The following NUP214 variants were observed in gnomAD, a reference collection of about 807,000 sequenced individuals.
The protein encoded by NUP214 is nuclear pore complex protein Nup214.
Under a neutral mutation model 196.2 loss-of-function variants are expected in NUP214, and 79 were observed. The ratio of observed to expected loss-of-function variants is 0.40; its 90% confidence interval spans 0.34 to 0.49. The LOEUF (loss-of-function observed/expected upper bound fraction) is 0.49. Ranked by LOEUF, NUP214 falls within the 20% of genes least tolerant of loss-of-function variation. The pLI is 0.58. For missense variants in NUP214, 2,468 were observed against 2,539.0 expected (o/e 0.97, Z 0.60); for synonymous variants, 1,020 against 990.5 (o/e 1.03, Z -0.56).
intron 31 of NUP214, among the ~76,000 whole-genome samples, chr9:131,221,814 G>A (rs549925990): frequency 2.0e-5 from 3 of 152,214 alleles, no homozygotes; most frequent in Admixed American, 6.5e-5. Context: ...GGTAGGAAAC[G>A]TGAGTTATTC....
In NUP214 at chr9:131,211,862, A is replaced by G. The variant is rs375414654; in HGVS notation, c.5593-3350A>G. Reference sequence around the variant, plus strand: ...CAAATTGTGGAGCATGTGTGTTTGAACAATATGAAATCTGGGCATCCAAAA... The same window carrying G: ...CAAATTGTGGAGCATGTGTGTTTGAGCAATATGAAATCTGGGCATCCAAAA... On this transcript the variant is annotated intron_variant, in intron 30 of 35. Transcript: ENST00000359428. 1.7e-4 allele frequency among the ~76,000 whole-genome samples: 26 copies of G among 152,334 alleles called. No individual in the cohort carries two copies. In the East Asian group the frequency reaches 3.9e-3, roughly 23 times the overall value.
At chr9:131,161,577 A>G (rs557196018) in intron 18 of NUP214, among the ~76,000 whole-genome samples, 1 of 152,286 alleles carries the variant, frequency 6.6e-6, no homozygotes, top group Admixed American at 6.5e-5. Flanking sequence ...TTTAAAAATT[A>G]TATGTTGAAC....
At chr9:131,166,102 A>G (rs1028047194) in intron 21 of NUP214, among the ~76,000 whole-genome samples, 7 of 152,224 alleles carry the variant, frequency 4.6e-5, no homozygotes, top group African/African-American at 1.7e-4. Context: ...AACACTTAAG[A>G]TGGTAAATTT....
chr9:131,153,475 A>G (rs1272755813), intron 17 of NUP214: 2 of 152,136 alleles, frequency 1.3e-5, no homozygotes, highest in African/African-American at 4.8e-5. Flanking sequence ...CCTCTCAGCA[A>G]GAGAGTGCTG....
rs1200110784 is a variant in NUP214 at position 131,175,643 on chromosome 9, C to G, written c.3319+22C>G. 2.5e-6 allele frequency: 4 copies of G among 1,611,986 alleles called. No individual in the cohort carries two copies. In the African/African-American group the frequency reaches 5.3e-5, roughly 22 times the overall value. On this transcript the variant is annotated intron_variant, in intron 23 of 35. Transcript: ENST00000359428. The stretch of plus-strand genomic sequence containing the variant: ...CCAGGTAAAAGCTGTAGCCCCATAC[C>G]TGTACAGAGGCTGATTATGAGCTGT...
intron 26 of NUP214, chr9:131,191,284 T>C (rs1833593351): frequency 6.6e-6 from 1 of 152,012 alleles, no homozygotes; most frequent in Non-Finnish European, 1.5e-5. Context: ...GCCAACGTGA[T>C]GAAACCCTGT....
chr9:131,208,993 A>G (rs1834161125), intron 30 of NUP214, among the ~76,000 whole-genome samples: 1 of 152,178 alleles, frequency 6.6e-6, no homozygotes, highest in African/African-American at 2.4e-5. Context: ...AGCCTGGGCG[A>G]CAGAGTGAGA....
At chr9:131,182,696 T>C (rs534891056) in intron 24 of NUP214, among the ~76,000 whole-genome samples, 1 of 152,338 alleles carries the variant, frequency 6.6e-6, no homozygotes, top group African/African-American at 2.4e-5. Context: ...TTGGGGTGAT[T>C]AGATCGTTTA....
In NUP214 at chr9:131,144,366, T is replaced by C; in HGVS notation, c.1381T>C (p.Ser461Pro). The change falls in exon 12 of 36, where the codon TCA becomes CCA. Residue 461 changes from serine to proline, a missense_variant. Transcript: ENST00000359428. ...TGCAGCCCCTGCCTCTCTGCCACCT[T>C]CATCACCTGCTGCTCCCATTGCCAC... Reference protein sequence around the residue: ...AAAAPASLPPSSPAAPIATFS... With the variant: ...AAAAPASLPPPSPAAPIATFS... 1.2e-6 allele frequency: 2 copies of C among 1,614,116 alleles called. No homozygotes were observed. The highest frequency in any genetic ancestry group is 1.7e-6 in the Non-Finnish European group (2 of 1,180,000).
At chr9:131,219,396 C>G (rs1027784714) in intron 31 of NUP214, among the ~76,000 whole-genome samples, 1 of 152,186 alleles carries the variant, frequency 6.6e-6, no homozygotes, top group African/African-American at 2.4e-5. Context: ...GAGCAGTCCC[C>G]TTTGTGACAT....
At chr9:131,135,323 G>A in intron 8 of NUP214, 1 of 254,170 alleles carries the variant, frequency 3.9e-6, no homozygotes, top group Non-Finnish European at 7.5e-6. Context: ...GCTCAGACTG[G>A]CTTCCCAAAG....
intron 32 of NUP214, among the ~76,000 whole-genome samples, chr9:131,224,327 C>A (rs1588179062): frequency 7.1e-6 from 1 of 141,420 alleles, no homozygotes; most frequent in African/African-American, 2.7e-5. Context: ...CTGTTTCTGT[C>A]TCTGAGATCT....
chr9:131,226,543 A>G (rs1451059331), intron 32 of NUP214, among the ~76,000 whole-genome samples: 2 of 152,064 alleles, frequency 1.3e-5, no homozygotes, highest in Non-Finnish European at 2.9e-5. Flanking sequence ...GGTACTAGAT[A>G]GCGCCCTGCA....
In NUP214 at chr9:131,136,138, T is replaced by A. The variant is rs189503318; in HGVS notation, c.1005+132T>A. On this transcript the variant is annotated intron_variant, in intron 9 of 35. Transcript: ENST00000359428. Reference sequence around the variant, plus strand: ...TTACTGCAACCTCTGCCTTCCAAGTTCAAGCAATTTTGTGCCTCAGCCTCC... The same window carrying A: ...TTACTGCAACCTCTGCCTTCCAAGTACAAGCAATTTTGTGCCTCAGCCTCC... 1.3e-5 allele frequency: 9 copies of A among 696,290 alleles called. No homozygotes were observed. In the Admixed American group the frequency reaches 2.6e-4, roughly 20 times the overall value. 43.1% of individuals were successfully genotyped at this position (696,290 alleles called of 1,614,324 possible).
intron 4 of NUP214, among the ~76,000 whole-genome samples, 199 bp from the exon 5 acceptor site, chr9:131,130,567 A>T (rs1360923755): frequency 6.6e-6 from 1 of 152,212 alleles, no homozygotes; most frequent in African/African-American, 2.4e-5. Flanking sequence ...TTAGCTTTCA[A>T]TTCAATAGCC....
chr9:131,216,887 A>G (rs1834414416), intron 31 of NUP214, among the ~76,000 whole-genome samples: 1 of 152,102 alleles, frequency 6.6e-6, no homozygotes. Context: ...CTGTTTGTGT[A>G]GATCTTTATC....
intron 29 of NUP214, among the ~76,000 whole-genome samples, chr9:131,200,352 A>G (rs1384515611): frequency 6.6e-6 from 1 of 152,182 alleles, no homozygotes; most frequent in Non-Finnish European, 1.5e-5. Context: ...GAGGCAGGGG[A>G]ATCACTTGAG....
intron 9 of NUP214, 57 bp from the exon 10 acceptor site, chr9:131,139,224 A>G (rs1315936220): frequency 7.0e-7 from 1 of 1,429,776 alleles, no homozygotes; most frequent in Non-Finnish European, 9.1e-7. Flanking sequence ...GCTCTAACCA[A>G]CATGGCTTTT....
rs1307196782 is a variant in NUP214 at position 131,222,939 on chromosome 9, A to G, written c.5902+9A>G. The G allele has an allele frequency of 4.3e-6, 7 of 1,612,570 alleles. No individual in the cohort carries two copies. Among genetic ancestry groups the G allele is most frequent in the Non-Finnish European group, 5.9e-6 (7 of 1,179,166 alleles). On this transcript the variant is annotated intron_variant, in intron 32 of 35. Transcript: ENST00000359428. ...CTCTCCAAACAAAACAGGTACTCCT[A>G]TGTCTATTTGTTATGGTTATCTTTA... is the stretch of plus-strand genomic sequence containing the variant.
Sources: gnomAD v4.1 joint callset for allele counts (sites outside exome capture counted in the v4.1 genomes callset) on GRCh38, gnomAD v4.1.1 for gene constraint, MANE v1.5 for transcripts, NCBI Gene and HGNC (gene_info 2026-07-23, HGNC 2026-07-21) for gene names.